The following ANK1 variants were observed in gnomAD, a reference collection of about 807,000 sequenced individuals.
ANK1 encodes ankyrin 1, also known as ankyrin-1.
A neutral mutation model predicts 210.4 loss-of-function variants in ANK1; 51 were observed. The observed-to-expected ratio is 0.24, with a 90% CI of 0.19 to 0.31. The LOEUF (loss-of-function observed/expected upper bound fraction) is 0.31, where lower values mean the gene tolerates loss of function less well. Among genes scored for constraint, ANK1 ranks in the 10% least tolerant of loss-of-function variants. The pLI, the probability that ANK1 is intolerant of heterozygous loss-of-function variation, is 1.00. For synonymous variants in ANK1, 967 were observed against 1,025.9 expected (o/e 0.94, Z 1.10); for missense variants, 2,051 against 2,504.4 (o/e 0.82, Z 3.86).
chr8:41,860,177 G>A (rs753272392), intron 1 of ANK1, among the ~76,000 whole-genome samples: 6 of 152,152 alleles, frequency 3.9e-5, no homozygotes, highest in Non-Finnish European at 7.4e-5. Flanking sequence ...TAAAAATTCC[G>A]CTAAGTCTCC....
Position 41,672,645 on chromosome 8 carries a change from A to G in ANK1, c.4805T>C (p.Leu1602Ser). Residue 1602 changes from leucine to serine, a missense_variant, in exon 38 of 43, where the codon TTG (leucine) becomes TCG (serine). Around this residue, in one of 6 missense-constraint regions of ANK1, gnomAD observed 496 missense variants for 533.4 expected, o/e 0.93. Transcript: ENST00000289734. ...DSDATGHEWK[L>S]EGALSEEPRG... ...CGGTTCCTCTGAGAGTGCCCCCTCC[A>G]ACTTCCACTCGTGACCTGTGGCATC... The G allele has an allele frequency of 2.5e-6, 4 of 1,614,150 alleles. No homozygotes were observed. The South Asian group carries it at 4.4e-5, about 18-fold the overall frequency.
chr8:41,804,925 T>A (rs1379625337), intron 1 of ANK1, among the ~76,000 whole-genome samples: 1 of 152,166 alleles, frequency 6.6e-6, no homozygotes, highest in Non-Finnish European at 1.5e-5. Flanking sequence ...ATTAATTTTT[T>A]AAAAATTCAA....
At chr8:41,822,132 G>GAGAA (rs71239083) in intron 1 of ANK1, among the ~76,000 whole-genome samples, 1,002 of 40,932 alleles carry the variant, frequency 0.024, 22 homozygotes, top group East Asian at 0.036. Flanking sequence ...GAGAAAGAAA[G>GAGAA]AGAAAGAAAG....
intron 15 of ANK1, 111 bp from the exon 16 acceptor site, chr8:41,714,365 T>C: frequency 3.6e-6 from 3 of 833,104 alleles, no homozygotes; most frequent in Non-Finnish European, 3.5e-6. Context: ...CTGTTTAAAA[T>C]CTTTCCCAGG....
Position 41,715,803 on chromosome 8 carries a change from T to C in ANK1, c.1451A>G (p.Asn484Ser). ...LHCAARIGHT[N>S]MVKLLLENNA... is the part of the protein sequence containing the mutation. ...ATTTTCCAGCAGGAGCTTCACCATG[T>C]TTGTGTGGCCGATGCGAGCTGCACA... is the stretch of plus-strand genomic sequence containing the variant. Residue 484 changes from asparagine to serine, a missense_variant, in exon 14 of 43, where the codon AAC (asparagine) becomes AGC (serine). Transcript: ENST00000289734. The C allele has an allele frequency of 6.2e-7, 1 of 1,614,226 alleles. No individual in the cohort carries two copies. Among genetic ancestry groups the C allele is most frequent in the Non-Finnish European group, 8.5e-7 (1 of 1,180,034 alleles).
At chr8:41,802,677 C>T (rs1487133744) in intron 1 of ANK1, among the ~76,000 whole-genome samples, 1 of 152,028 alleles carries the variant, frequency 6.6e-6, no homozygotes, top group Non-Finnish European at 1.5e-5. Flanking sequence ...GGCACAGTGG[C>T]CTACACCTGT....
At chr8:41,896,225 C>T in intron 1 of ANK1, 1 of 1,305,256 alleles carries the variant, frequency 7.7e-7, no homozygotes, top group Non-Finnish European at 9.9e-7. Context: ...GAGCCTTCCC[C>T]GCTCGGGTGC....
At chr8:41,703,996 C>T in intron 20 of ANK1, 45 bp downstream of exon 20, 4 of 1,562,578 alleles carry the variant, frequency 2.6e-6, no homozygotes, top group Non-Finnish European at 2.6e-6. Flanking sequence ...AGGGCTGCTG[C>T]CATGGGGAGC....
At chr8:41,869,014 C>T (rs1041446003) in intron 1 of ANK1, among the ~76,000 whole-genome samples, 4 of 152,092 alleles carry the variant, frequency 2.6e-5, no homozygotes, top group African/African-American at 4.8e-5. Flanking sequence ...TATTCGTTGG[C>T]AAGATTAAAT....
intron 1 of ANK1, among the ~76,000 whole-genome samples, chr8:41,870,304 G>A (rs1815232080): frequency 6.6e-6 from 1 of 152,110 alleles, no homozygotes; most frequent in Non-Finnish European, 1.5e-5. Flanking sequence ...AATGGGCACA[G>A]TCTTTTTATG....
At chr8:41,726,085 T>G in intron 5 of ANK1, 139 bp from the exon 6 acceptor site, 1 of 966,912 alleles carries the variant, frequency 1.0e-6, no homozygotes, top group South Asian at 1.4e-5. Context: ...GCCCTCTTCA[T>G]CCGCCAAGTT....
In ANK1 at chr8:41,756,306, C is replaced by T. The variant is rs911193812; in HGVS notation, c.129+1730G>A. 6.6e-5 allele frequency among the ~76,000 whole-genome samples: 10 copies of T among 151,410 alleles called. No homozygotes were observed. In the East Asian group the frequency reaches 1.5e-3, roughly 23 times the overall value. ...GACTATAGGCACGCACCACCATGCC[C>T]GGCTAATTTTAGTATTTTTAGTAGA... On this transcript the variant is annotated intron_variant, in intron 2 of 42. Coordinates refer to ENST00000289734, the MANE Select transcript of ANK1 (RefSeq NM_000037.4).
chr8:41,738,782 G>C (rs7829609), intron 2 of ANK1, among the ~76,000 whole-genome samples: 18 of 152,184 alleles, frequency 1.2e-4, no homozygotes, highest in African/African-American at 4.3e-4. Context: ...GACTTGCTTT[G>C]AATCTTTTCG....
intron 39 of ANK1, chr8:41,665,530 T>C: frequency 1.8e-5 from 6 of 333,108 alleles, no homozygotes; most frequent in South Asian, 1.4e-4. Flanking sequence ...GAAAGTTTCT[T>C]ACTTTCAGAA....
chr8:41,675,941 G>A (rs187317720), intron 37 of ANK1, among the ~76,000 whole-genome samples: 100 of 152,274 alleles, frequency 6.6e-4, no homozygotes, highest in Admixed American at 2.2e-3. Flanking sequence ...GCTGATGCAT[G>A]TATCAATAAT....
chr8:41,884,088 C>T (rs1587613097), intron 1 of ANK1, among the ~76,000 whole-genome samples: 1 of 152,310 alleles, frequency 6.6e-6, no homozygotes, highest in East Asian at 1.9e-4. Context: ...CAGTGGCTCA[C>T]ACCTTAATCC....
At chr8:41,707,397 C>T (rs1434830214) in intron 17 of ANK1, among the ~76,000 whole-genome samples, 2 of 152,246 alleles carry the variant, frequency 1.3e-5, no homozygotes, top group East Asian at 3.9e-4. Context: ...CAGGACTCCA[C>T]TTGCCCTCCT....
chr8:41,817,473 G>A (rs1052983347), intron 1 of ANK1, among the ~76,000 whole-genome samples: 1 of 152,168 alleles, frequency 6.6e-6, no homozygotes, highest in Non-Finnish European at 1.5e-5. Flanking sequence ...TGTGTAAGAC[G>A]AGGACAGTTG....
chr8:41,734,656 C>T (rs1832991084), intron 2 of ANK1, among the ~76,000 whole-genome samples: 1 of 151,888 alleles, frequency 6.6e-6, no homozygotes, highest in African/African-American at 2.4e-5. Flanking sequence ...CTTTGGGAGG[C>T]TGAAGCAGGC....
Sources: allele counts gnomAD v4.1 joint callset (sites outside exome capture counted in the v4.1 genomes callset), GRCh38; gene constraint gnomAD v4.1.1; regional missense constraint gnomAD v4.1.1; transcripts MANE v1.5; gene names NCBI Gene and HGNC (gene_info 2026-07-23, HGNC 2026-07-21).